Variants in FBXL20 observed in about 807,000 individuals in gnomAD.
The protein encoded by FBXL20 is F-box and leucine rich repeat protein 20.
FBXL20 carries 11 observed loss-of-function variants against 64.0 expected under a neutral mutation model. The observed-to-expected ratio is 0.17, with a 90% CI of 0.11 to 0.28. The LOEUF is 0.28. Among genes scored for constraint, FBXL20 ranks in the 10% least tolerant of loss-of-function variants. The probability of loss-of-function intolerance (pLI) is 1.00; values close to 1 mark genes in which losing one functional copy is unlikely to be tolerated. For synonymous variants in FBXL20, 184 were observed against 189.0 expected (o/e 0.97, Z 0.22); for missense variants, 303 against 526.2 (o/e 0.58, Z 4.15).
chr17:39,361,595 A>G (rs771511549), intron 1 of FBXL20, among the ~76,000 whole-genome samples: 11 of 151,984 alleles, frequency 7.2e-5, no homozygotes, highest in Non-Finnish European at 1.0e-4. Context: ...CAGGAGATCG[A>G]GACCATCCTG....
At chr17:39,344,402 T>A (rs1236548898) in intron 1 of FBXL20, among the ~76,000 whole-genome samples, 1 of 151,564 alleles carries the variant, frequency 6.6e-6, no homozygotes, top group African/African-American at 2.4e-5. Flanking sequence ...ATGGAGTGAC[T>A]ATTTTAATAT....
intron 2 of FBXL20, among the ~76,000 whole-genome samples, chr17:39,331,756 T>C (rs1164139104): frequency 6.6e-6 from 1 of 152,260 alleles, no homozygotes; most frequent in African/African-American, 2.4e-5. Context: ...GAACATCGGT[T>C]GTCATCCCAC....
chr17:39,401,178 G>A (rs1444106234), intron 1 of FBXL20, among the ~76,000 whole-genome samples, 183 bp downstream of exon 1: 1 of 152,220 alleles, frequency 6.6e-6, no homozygotes, highest in Non-Finnish European at 1.5e-5. Context: ...CCGGCGAGGG[G>A]ACTGGGGGCA....
intron 2 of FBXL20, among the ~76,000 whole-genome samples, chr17:39,320,466 ACT>A (rs1331365468): frequency 6.6e-6 from 1 of 152,084 alleles, no homozygotes; most frequent in Non-Finnish European, 1.5e-5. Flanking sequence ...CCAACTTCTG[ACT>A]CTAAATATTT....
intron 11 of FBXL20, among the ~76,000 whole-genome samples, chr17:39,269,793 C>T (rs965545041): frequency 9.2e-5 from 14 of 152,280 alleles, no homozygotes; most frequent in Admixed American, 2.6e-4. Context: ...CCACCGCGCC[C>T]GGCCTTTTGT....
intron 1 of FBXL20, among the ~76,000 whole-genome samples, chr17:39,352,271 G>T (rs8071300): frequency 1.3e-5 from 2 of 151,794 alleles, no homozygotes; most frequent in Admixed American, 6.6e-5. Flanking sequence ...GGTGTGTGCC[G>T]GTAGTTCCAG....
At chr17:39,325,017 G>A (rs573688742) in intron 2 of FBXL20, among the ~76,000 whole-genome samples, 33 of 152,312 alleles carry the variant, frequency 2.2e-4, no homozygotes, top group Middle Eastern at 3.4e-3. Flanking sequence ...AGACCAGCCT[G>A]GAGAATATGG....
intron 2 of FBXL20, among the ~76,000 whole-genome samples, chr17:39,313,603 G>A (rs2047257074): frequency 6.6e-6 from 1 of 151,872 alleles, no homozygotes; most frequent in Admixed American, 6.6e-5. Flanking sequence ...AGCTACTACA[G>A]CAATTATTTT....
chr17:39,298,864 G>A, intron 5 of FBXL20, 126 bp downstream of exon 5: 1 of 723,328 alleles, frequency 1.4e-6, no homozygotes, highest in Admixed American at 2.8e-5. Flanking sequence ...GATATTTTCA[G>A]ATTATAAGCA....
rs2046674987 is a variant in FBXL20, at chr17:39,254,195, AG to A, written c.*7264del. The A allele has an allele frequency of 3.9e-5, 6 of 152,216 alleles. No individual in the cohort carries two copies. Among genetic ancestry groups the A allele is most frequent in the African/African-American group, 1.4e-4 (6 of 41,430 alleles). The allele number at this position is 152,216 out of a possible 1,614,324, so 9.4% of individuals were successfully genotyped here. On this transcript the variant is annotated 3_prime_UTR_variant, in exon 15 of 15. Transcript: ENST00000264658. ...CAGGTTCAAGTGATTCTCTTGCCTCAGCCTCCCAAGTAGCTGGGATTTTGTA... is the reference window on the plus strand; with the variant it reads ...CAGGTTCAAGTGATTCTCTTGCCTCACCTCCCAAGTAGCTGGGATTTTGTA...
intron 2 of FBXL20, among the ~76,000 whole-genome samples, chr17:39,340,792 C>T (rs1208302671): frequency 6.6e-6 from 1 of 151,820 alleles, no homozygotes; most frequent in Admixed American, 6.6e-5. Context: ...TCTACTGTTC[C>T]AGTCATAAAA....
At position 39,264,393 on chromosome 17, in the gene FBXL20, G is replaced by A. The variant is rs1381811252; in HGVS notation, c.991-6C>T. On this transcript the variant is annotated splice_polypyrimidine_tract_variant and splice_region_variant and intron_variant, in intron 13 of 14. Coordinates refer to ENST00000264658, the MANE Select transcript of FBXL20 (RefSeq NM_032875.3). ...AGCTCACAGTGAGACAGACTCTGCA[G>A]CCAAATAGAGCAAGGAAGGATGTTG... The A allele has an allele frequency of 6.2e-7, 1 of 1,611,006 alleles. No homozygotes were observed. The highest frequency in any genetic ancestry group is 2.2e-5 in the East Asian group (1 of 44,850).
chr17:39,334,570 G>A (rs1256621360), intron 2 of FBXL20, among the ~76,000 whole-genome samples: 1 of 151,650 alleles, frequency 6.6e-6, no homozygotes, highest in East Asian at 1.9e-4. Context: ...ACTTACAGAG[G>A]ATATATCACA....
chr17:39,298,938 G>A lies in FBXL20; in HGVS notation c.329+52C>T, dbSNP rs369918650. 7.4e-4 allele frequency: 1,062 copies of A among 1,429,530 alleles called. 3 individuals are homozygous for A. The highest frequency in any genetic ancestry group is 9.0e-4 in the Non-Finnish European group (915 of 1,019,184). 88.6% of individuals were successfully genotyped at this position (1,429,530 alleles called of 1,614,324 possible). A position where few individuals can be genotyped will look rare whatever the true frequency, so the allele number is the denominator to read the frequency against. On this transcript the variant is annotated intron_variant, in intron 5 of 14. Transcript: ENST00000264658. ...GATTTTAGCCTTTTCTGGGTGAGATGGTGCTGCTCTTCACTTCCATCAAGA... is the reference window on the plus strand; with the variant it reads ...GATTTTAGCCTTTTCTGGGTGAGATAGTGCTGCTCTTCACTTCCATCAAGA...
intron 1 of FBXL20, among the ~76,000 whole-genome samples, chr17:39,343,988 C>T (rs2047607880): frequency 6.6e-6 from 1 of 152,112 alleles, no homozygotes. Flanking sequence ...TTCAGCCTCC[C>T]AAGTAGCTGG....
chr17:39,288,295 G>C (rs1210665794), intron 6 of FBXL20, among the ~76,000 whole-genome samples: 3 of 151,918 alleles, frequency 2.0e-5, no homozygotes, highest in Admixed American at 2.0e-4. Flanking sequence ...ATGCTTATTT[G>C]CCATTCCTAT....
At chr17:39,362,131 C>T (rs2047801612) in intron 1 of FBXL20, among the ~76,000 whole-genome samples, 1 of 151,162 alleles carries the variant, frequency 6.6e-6, no homozygotes, top group Admixed American at 6.6e-5. Flanking sequence ...ACTAAAAATA[C>T]ACACACAAAA....
chr17:39,345,685 C>T (rs909272909), intron 1 of FBXL20, among the ~76,000 whole-genome samples: 6 of 152,020 alleles, frequency 3.9e-5, no homozygotes, highest in Non-Finnish European at 5.9e-5. Flanking sequence ...GGATTATGGG[C>T]GCCTGCCACC....
intron 6 of FBXL20, among the ~76,000 whole-genome samples, chr17:39,289,281 C>T (rs1292943955): frequency 6.6e-6 from 1 of 152,092 alleles, no homozygotes; most frequent in African/African-American, 2.4e-5. Flanking sequence ...CTTTCAATTT[C>T]AACAAAAAAA....
Sources: allele counts gnomAD v4.1 joint callset (sites outside exome capture counted in the v4.1 genomes callset), GRCh38; gene constraint gnomAD v4.1.1; transcripts MANE v1.5; gene names NCBI Gene and HGNC (gene_info 2026-07-23, HGNC 2026-07-21).